Variants in BDKRB2 observed in about 807,000 individuals in gnomAD.
The protein encoded by BDKRB2 is bradykinin receptor B2, also known as B2 bradykinin receptor.
A neutral mutation model predicts 4.0 loss-of-function variants in BDKRB2; 6 were observed. The ratio of observed to expected loss-of-function variants is 1.49; its 90% CI spans 0.81 to 2.93. The LOEUF is 2.93. Ranked by LOEUF, BDKRB2 falls within the 30% of genes most tolerant of loss-of-function variation. BDKRB2 has a pLI of 0.00. For missense variants in BDKRB2, 478 were observed against 520.1 expected, an observed-to-expected ratio of 0.92 and a Z score of 0.79; for synonymous variants, 225 against 215.3, an observed-to-expected ratio of 1.05 and a Z score of -0.40.
chr14:96,236,009 T>G (rs1303204075), intron 1 of BDKRB2, among the ~76,000 whole-genome samples: 1 of 152,092 alleles, frequency 6.6e-6, no homozygotes, highest in East Asian at 1.9e-4. Context: ...CCTTGTTTCC[T>G]CCTCTGTGAG....
chr14:96,216,808 A>G (rs1041202238), intron 1 of BDKRB2, among the ~76,000 whole-genome samples: 17 of 145,294 alleles, frequency 1.2e-4, no homozygotes, highest in African/African-American at 4.4e-4. Context: ...GGAGAAGAAG[A>G]AGGAGGAGGA....
In BDKRB2 at chr14:96,235,984, C is replaced by G. The variant is rs200234594; in HGVS notation, c.-39-1085C>G. Among the ~76,000 whole-genome samples, 28 of 152,162 alleles carry G rather than the reference C, an allele frequency of 1.8e-4. No individual in the cohort carries two copies. In the East Asian group the frequency reaches 5.0e-3, roughly 27 times the overall value. On this transcript the variant is annotated intron_variant, in intron 1 of 2. Coordinates refer to ENST00000554311, the MANE Select transcript of BDKRB2 (RefSeq NM_001379692.1). ...TAGCCATGGGACTGAGACAAGTCAC[C>G]CCCACCCATCTGCGCCTTGTTTCCT...
chr14:96,205,647 C>G (rs1164858213), intron 1 of BDKRB2, among the ~76,000 whole-genome samples: 3 of 152,116 alleles, frequency 2.0e-5, no homozygotes, highest in African/African-American at 7.2e-5. Flanking sequence ...TGCATCCGGC[C>G]CAGGTTGCAG....
intron 1 of BDKRB2, among the ~76,000 whole-genome samples, chr14:96,212,485 A>G (rs1215763518): frequency 6.6e-6 from 1 of 152,228 alleles, no homozygotes; most frequent in Non-Finnish European, 1.5e-5. Context: ...AAACAAAATG[A>G]CAAGTTAGAA....
chr14:96,210,190 G>A (rs1475377999), intron 1 of BDKRB2, among the ~76,000 whole-genome samples: 2 of 152,096 alleles, frequency 1.3e-5, no homozygotes, highest in Non-Finnish European at 2.9e-5. Flanking sequence ...AAGATCCTGG[G>A]GCCCACAAGG....
At chr14:96,212,303 A>G (rs892339651) in intron 1 of BDKRB2, among the ~76,000 whole-genome samples, 2 of 152,254 alleles carry the variant, frequency 1.3e-5, no homozygotes, top group African/African-American at 4.8e-5. Context: ...AACTAACTAT[A>G]AGAACACTGC....
intron 1 of BDKRB2, among the ~76,000 whole-genome samples, chr14:96,207,172 G>A (rs191326724): frequency 6.6e-6 from 1 of 152,294 alleles, no homozygotes; most frequent in East Asian, 1.9e-4. Context: ...ATGAAAGTAG[G>A]GGCCTTGTCT....
At position 96,241,782 on chromosome 14, in the gene BDKRB2, C is replaced by T. The variant is rs1443461173; in HGVS notation, c.*278C>T. The T allele has an allele frequency of 3.1e-6, 1 of 322,094 alleles. No individual in the cohort carries two copies. Among genetic ancestry groups the T allele is most frequent in the African/African-American group, 2.1e-5 (1 of 46,934 alleles). 20.0% of individuals were successfully genotyped at this position (322,094 alleles called of 1,614,324 possible). A position where few individuals can be genotyped will look rare whatever the true frequency, so the allele number is the denominator to read the frequency against. On this transcript the variant is annotated 3_prime_UTR_variant, in exon 3 of 3. Coordinates refer to ENST00000554311, the MANE Select transcript of BDKRB2 (RefSeq NM_001379692.1). The stretch of plus-strand genomic sequence containing the variant: ...ACACCTGAGCCAGCCTGCTCCTTCC[C>T]AGGAGTGGAGGAGGCCTGGGGGCAG...
At chr14:96,233,351 T>C (rs1162010329) in intron 1 of BDKRB2, 1 of 152,268 alleles carries the variant, frequency 6.6e-6, no homozygotes, top group African/African-American at 2.4e-5. Context: ...TTCCATTAGA[T>C]GTCATGAACA....
chr14:96,218,470 C>T (rs1236054668), intron 1 of BDKRB2, among the ~76,000 whole-genome samples: 1 of 152,102 alleles, frequency 6.6e-6, no homozygotes, highest in East Asian at 1.9e-4. Flanking sequence ...GCCTGTTTTG[C>T]TTTTTTAAAG....
At chr14:96,216,299 A>G (rs571968291) in intron 1 of BDKRB2, among the ~76,000 whole-genome samples, 3 of 152,154 alleles carry the variant, frequency 2.0e-5, no homozygotes, top group Admixed American at 1.3e-4. Flanking sequence ...GGGCCTTTAT[A>G]TAACAGGGAA....
At chr14:96,206,352 C>T (rs1890179734) in intron 1 of BDKRB2, among the ~76,000 whole-genome samples, 1 of 152,176 alleles carries the variant, frequency 6.6e-6, no homozygotes, top group South Asian at 2.1e-4. Context: ...TCTCACTGCA[C>T]TGATGAGGAA....
intron 1 of BDKRB2, chr14:96,223,034 C>T: frequency 1.4e-6 from 1 of 697,764 alleles, no homozygotes; most frequent in East Asian, 2.7e-5. Flanking sequence ...TAAGAAATAG[C>T]AAGGAAGGGT....
chr14:96,243,370 C>T lies in BDKRB2; in HGVS notation c.*1866C>T, dbSNP rs1885350093. ...AGGGCTGGAATCTGGAGAGCTAGAA[C>T]CTGGAGGGCTAGAACCTGGAGGGCT... On this transcript the variant is annotated 3_prime_UTR_variant, in exon 3 of 3. Transcript: ENST00000554311. 1 of 145,004 alleles carries T rather than the reference C, an allele frequency of 6.9e-6. No homozygotes were observed. Among genetic ancestry groups the T allele is most frequent in the Non-Finnish European group, 1.5e-5 (1 of 66,942 alleles). 9.0% of individuals were successfully genotyped at this position (145,004 alleles called of 1,614,324 possible).
intron 1 of BDKRB2, among the ~76,000 whole-genome samples, chr14:96,230,933 A>T (rs11622683): frequency 0.031 from 4,587 of 149,696 alleles, 142 homozygotes; most frequent in East Asian, 0.16. Flanking sequence ...TTATTTATTT[A>T]TTTTTTTTTT....
chr14:96,214,352 G>A (rs977093140), intron 1 of BDKRB2, among the ~76,000 whole-genome samples: 13 of 152,140 alleles, frequency 8.5e-5, no homozygotes, highest in African/African-American at 1.9e-4. Flanking sequence ...AAGAGGAGGC[G>A]ACTGTCATTC....
At chr14:96,222,026 G>A (rs976881701) in intron 1 of BDKRB2, among the ~76,000 whole-genome samples, 27 of 152,060 alleles carry the variant, frequency 1.8e-4, no homozygotes, top group Non-Finnish European at 3.1e-4. Flanking sequence ...AGAACCCATC[G>A]CAAGTCTCAA....
In BDKRB2 at chr14:96,204,925, C is replaced by T. The variant is rs1030933703; in HGVS notation, c.-74C>T. 1.0e-5 allele frequency: 3 copies of T among 291,492 alleles called. No individual in the cohort carries two copies. Among genetic ancestry groups the T allele is most frequent in the South Asian group, 5.1e-5 (2 of 39,570 alleles). The allele number at this position is 291,492 out of a possible 1,614,324, so 18.1% of individuals were successfully genotyped here. ...CAGGCTGCCCCGCAGTACCAGGGAGCGACTGAAGTGCCCATGCCGCTTGCT... is the reference window on the plus strand; with the variant it reads ...CAGGCTGCCCCGCAGTACCAGGGAGTGACTGAAGTGCCCATGCCGCTTGCT... On this transcript the variant is annotated 5_prime_UTR_variant, in exon 1 of 3. Coordinates refer to ENST00000554311, the MANE Select transcript of BDKRB2 (RefSeq NM_001379692.1).
chr14:96,210,674 G>T (rs954177166), intron 1 of BDKRB2, among the ~76,000 whole-genome samples: 10 of 152,192 alleles, frequency 6.6e-5, no homozygotes, highest in Non-Finnish European at 1.5e-4. Context: ...AATGTCTAAG[G>T]TTGTGGAGTA....
Sources: allele counts gnomAD v4.1 joint callset (sites outside exome capture counted in the v4.1 genomes callset), GRCh38; gene constraint gnomAD v4.1.1; transcripts MANE v1.5; gene names NCBI Gene and HGNC (gene_info 2026-07-23, HGNC 2026-07-21).